MCM10: variants seen among roughly 807,000 people sequenced by gnomAD.
The protein encoded by MCM10 is protein MCM10 homolog.
Under a neutral mutation model 109.9 loss-of-function variants are expected in MCM10, and 91 were observed. That is an observed-to-expected ratio of 0.83 (90% CI 0.70 to 0.99). The LOEUF is 0.99. Ranked by LOEUF, MCM10 falls within the 50% of genes least tolerant of loss-of-function variation. The pLI is 0.00. For missense variants in MCM10, 1,077 were observed against 1,061.2 expected (o/e 1.01, Z -0.21); for synonymous variants, 380 against 387.2 (o/e 0.98, Z 0.22).
rs1327235451 is a variant in MCM10, at chr10:13,170,987, A to G, written c.73A>G (p.Asn25Asp). ...AGAAAATGAGTCAGCCTTGGATTGTAATTCAGAAGAAAATAACTTCTTGAC... is the reference window on the plus strand; with the variant it reads ...AGAAAATGAGTCAGCCTTGGATTGTGATTCAGAAGAAAATAACTTCTTGAC... ...LEENESALDC[N>D]SEENNFLTRE... is the part of the protein sequence containing the mutation. Residue 25 changes from asparagine to aspartate, a missense_variant, in exon 3 of 20, where the codon AAT (asparagine) becomes GAT (aspartate). By Grantham distance (23) the Asn-to-Asp change is conservative. Transcript: ENST00000378714. The G allele has an allele frequency of 1.2e-6, 2 of 1,614,254 alleles. No homozygotes were observed. Among genetic ancestry groups the G allele is most frequent in the Non-Finnish European group, 1.7e-6 (2 of 1,180,056 alleles).
chr10:13,167,485 A>C (rs560277125), intron 2 of MCM10, among the ~76,000 whole-genome samples: 8 of 151,716 alleles, frequency 5.3e-5, no homozygotes, highest in African/African-American at 1.5e-4. Flanking sequence ...TAAGATGGGG[A>C]GTGGATGAGA....
intron 1 of MCM10, among the ~76,000 whole-genome samples, chr10:13,163,376 C>T (rs150382488): frequency 1.2e-3 from 184 of 152,268 alleles, no homozygotes; most frequent in African/African-American, 4.1e-3. Context: ...GTAATTAGTT[C>T]CTTGACATTG....
intron 1 of MCM10, among the ~76,000 whole-genome samples, chr10:13,163,482 A>G (rs991649591): frequency 4.6e-5 from 7 of 152,258 alleles, no homozygotes; most frequent in Non-Finnish European, 1.0e-4. Context: ...TGAAAAGAGA[A>G]GTGCACAAAG....
chr10:13,171,189 C>A lies in MCM10; in HGVS notation c.275C>A (p.Ala92Glu), dbSNP rs763605786. The change falls in exon 3 of 20, where the codon GCA becomes GAA. Residue 92 changes from alanine (A) to glutamate (E), a missense_variant. Coordinates refer to ENST00000378714, the MANE Select transcript of MCM10 (RefSeq NM_018518.5). ...TTAACAGATGAAGAAGAAGTTCCCG[C>A]ATCACAGTCAACTGAAAATAGGGTC... ...EDLTDEEEVP[A>E]SQSTENRVLP... 1.2e-6 allele frequency: 2 copies of A among 1,614,186 alleles called. No individual in the cohort carries two copies. The highest frequency in any genetic ancestry group is 1.7e-6 in the Non-Finnish European group (2 of 1,180,032).
At chr10:13,208,043 T>A (rs530937387) in intron 18 of MCM10, among the ~76,000 whole-genome samples, 125 of 152,286 alleles carry the variant, frequency 8.2e-4, no homozygotes, top group Admixed American at 3.5e-3. Context: ...TTCACCATAG[T>A]GTTCACATCC....
chr10:13,176,067 A>G (rs977880486), intron 6 of MCM10, among the ~76,000 whole-genome samples: 2 of 152,340 alleles, frequency 1.3e-5, no homozygotes, highest in South Asian at 2.1e-4. Flanking sequence ...TATTTATGCA[A>G]TTAAGCAATT....
chr10:13,193,412 A>C (rs1834374929), intron 13 of MCM10, among the ~76,000 whole-genome samples: 1 of 151,312 alleles, frequency 6.6e-6, no homozygotes, highest in African/African-American at 2.5e-5. Context: ...CAGGCACTTC[A>C]TACGTACTCC....
rs1345698434 is a variant in MCM10, at chr10:13,192,289, G to C, written c.1551G>C (p.Glu517Asp). The change falls in exon 12 of 20, where the codon GAG becomes GAC. Residue 517 changes from glutamate to aspartate, a missense_variant. Coordinates refer to ENST00000378714, the MANE Select transcript of MCM10 (RefSeq NM_018518.5). The part of the protein sequence containing the change: ...IPQKSLSCSE[E>D]FKELMDLPTC... ...AGAAGAGCCTGTCTTGCTCTGAGGA[G>C]TTCAAGGAACTGATGGACCTGCCGA... The C allele has an allele frequency of 1.2e-6, 2 of 1,614,168 alleles. No homozygotes were observed. Among genetic ancestry groups the C allele is most frequent in the Non-Finnish European group, 1.7e-6 (2 of 1,180,008 alleles).
At chr10:13,199,995 TG>T (rs1462369651) in intron 16 of MCM10, among the ~76,000 whole-genome samples, 3 of 152,056 alleles carry the variant, frequency 2.0e-5, no homozygotes, top group Non-Finnish European at 4.4e-5. Flanking sequence ...GGGGAGGTTT[TG>T]TTTTTTTTGA....
chr10:13,181,628 C>T (rs1040109226), intron 7 of MCM10, among the ~76,000 whole-genome samples: 45 of 152,090 alleles, frequency 3.0e-4, no homozygotes, highest in African/African-American at 1.0e-3. Context: ...TCATGACACA[C>T]GTTTACCTAT....
chr10:13,196,678 A>G (rs934906667), intron 14 of MCM10, among the ~76,000 whole-genome samples: 1 of 151,762 alleles, frequency 6.6e-6, no homozygotes, highest in Non-Finnish European at 1.5e-5. Context: ...ATGCCTGACT[A>G]ATTTTTGTAT....
intron 18 of MCM10, among the ~76,000 whole-genome samples, chr10:13,207,379 G>T (rs1886278): frequency 0.51 from 77,130 of 151,730 alleles, 19,598 homozygotes; most frequent in African/African-American, 0.54. Context: ...ATCATTGATC[G>T]ACATATAGGC....
intron 6 of MCM10, among the ~76,000 whole-genome samples, chr10:13,179,146 A>C (rs1281238199): frequency 1.3e-5 from 2 of 152,206 alleles, no homozygotes. Flanking sequence ...TATCATCTGC[A>C]AACAGGGATA....
At chr10:13,202,844 A>G (rs2131588512) in intron 17 of MCM10, among the ~76,000 whole-genome samples, 1 of 151,996 alleles carries the variant, frequency 6.6e-6, no homozygotes, top group East Asian at 1.9e-4. Context: ...TTTATTATGT[A>G]TTTATTTATT....
chr10:13,174,494 G>T (rs376539210), intron 5 of MCM10, among the ~76,000 whole-genome samples: 1 of 152,102 alleles, frequency 6.6e-6, no homozygotes. Context: ...GATAATCTGC[G>T]CCAGTGCTCT....
chr10:13,184,039 A>G (rs1268873586), intron 8 of MCM10, among the ~76,000 whole-genome samples: 1 of 151,860 alleles, frequency 6.6e-6, no homozygotes, highest in African/African-American at 2.4e-5. Context: ...TTGCATTTTT[A>G]TTAGAGACGA....
At position 13,172,448 on chromosome 10, in the gene MCM10, C is replaced by T. The variant is rs1350743095; in HGVS notation, c.422C>T (p.Thr141Ile). The T allele has an allele frequency of 1.2e-6, 2 of 1,614,028 alleles. No homozygotes were observed. The highest frequency in any genetic ancestry group is 2.2e-5 in the South Asian group (2 of 91,078). Residue 141 changes from threonine (T) to isoleucine (I), a missense_variant, in exon 4 of 20, where the codon ACA (threonine) becomes ATA (isoleucine). Transcript: ENST00000378714. The surrounding 1 kb of genome is among the most constrained non-coding windows in gnomAD (Gnocchi z 5.2). Reference protein sequence around the residue: ...EQLKVTTIKQTASPARLQKSP... With the variant: ...EQLKVTTIKQIASPARLQKSP... ...CTAAAAGTAACAACAATTAAACAGA[C>T]AGCAAGCCCAGCCCGTCTGCAAAAA... is the stretch of plus-strand genomic sequence containing the variant.
chr10:13,171,355 A>T, intron 3 of MCM10, 92 bp downstream of exon 3: 1 of 1,144,706 alleles, frequency 8.7e-7, no homozygotes, highest in Non-Finnish European at 1.2e-6. Flanking sequence ...CTGCTGATTC[A>T]AGGGTAGAGA....
At chr10:13,183,914 A>G (rs573368273) in intron 8 of MCM10, among the ~76,000 whole-genome samples, 1 of 152,056 alleles carries the variant, frequency 6.6e-6, no homozygotes, top group Non-Finnish European at 1.5e-5. Flanking sequence ...GCTGGAGTGC[A>G]ATGGCGTGAT....
Sources: gnomAD v4.1 joint callset for allele counts (sites outside exome capture counted in the v4.1 genomes callset) on GRCh38, gnomAD v4.1.1 for gene constraint, Gnocchi (gnomAD v3.1) non-coding constraint, MANE v1.5 for transcripts, NCBI Gene and HGNC (gene_info 2026-07-23, HGNC 2026-07-21) for gene names.